Variants in IL21R observed in about 807,000 individuals in gnomAD.
IL21R encodes the protein interleukin 21 receptor.
A neutral mutation model predicts 41.3 loss-of-function variants in IL21R; 14 were observed. That is an observed-to-expected ratio of 0.34 (90% CI 0.22 to 0.53). The LOEUF is 0.53. IL21R is among the 20% of genes least tolerant of loss of function. IL21R has a pLI of 0.94. For missense variants in IL21R, 588 were observed against 681.6 expected (o/e 0.86, Z 1.53); for synonymous variants, 286 against 287.6 (o/e 0.99, Z 0.05).
chr16:27,448,390 G>C, intron 8 of IL21R, 144 bp from the exon 9 acceptor site: 1 of 823,306 alleles, frequency 1.2e-6, no homozygotes, highest in Non-Finnish European at 1.8e-6. Context: ...GGGAGGCAGA[G>C]GTTGCAGTGA....
chr16:27,443,068 G>C lies in IL21R; in HGVS notation c.459G>C (p.Lys153Asn). 1 of 1,614,006 alleles carries C rather than the reference G, an allele frequency of 6.2e-7. No homozygotes were observed. Among genetic ancestry groups the C allele is most frequent in the Non-Finnish European group, 8.5e-7 (1 of 1,179,928 alleles). ...EDPAFYMLKG[K>N]LQYELQYRNR... ...CTGCCTTCTACATGCTGAAGGGCAA[G>C]CTTCAGTATGAGCTGCAGTACAGGA... is the stretch of plus-strand genomic sequence containing the variant. The change falls in exon 5 of 9, where the codon AAG becomes AAC. Residue 153 changes from lysine (K) to asparagine (N), a missense_variant. Coordinates refer to ENST00000337929, the MANE Select transcript of IL21R (RefSeq NM_181078.3).
intron 1 of IL21R, among the ~76,000 whole-genome samples, chr16:27,406,670 C>T (rs1305787322): frequency 6.6e-6 from 1 of 151,944 alleles, no homozygotes; most frequent in Non-Finnish European, 1.5e-5. Context: ...CACCCATAAC[C>T]CACCCCTTGC....
chr16:27,432,040 C>A (rs564686659), intron 2 of IL21R, among the ~76,000 whole-genome samples: 1 of 152,248 alleles, frequency 6.6e-6, no homozygotes, highest in Non-Finnish European at 1.5e-5. Flanking sequence ...ATGTTGGGTT[C>A]GTCCAGCCCT....
At chr16:27,408,475 G>T (rs1301072893) in intron 1 of IL21R, among the ~76,000 whole-genome samples, 2 of 152,182 alleles carry the variant, frequency 1.3e-5, no homozygotes, top group Non-Finnish European at 2.9e-5. Flanking sequence ...ATAACAGAGA[G>T]CCATGGAATG....
chr16:27,425,828 T>C (rs1219928309), intron 1 of IL21R, among the ~76,000 whole-genome samples: 1 of 152,202 alleles, frequency 6.6e-6, no homozygotes, highest in African/African-American at 2.4e-5. Flanking sequence ...AGTGCTGGGA[T>C]TACAGGCATG....
In IL21R at chr16:27,448,900, C is replaced by G; in HGVS notation, c.1234C>G (p.Pro412Ala). The change falls in exon 9 of 9, where the codon CCA (proline) becomes GCA (alanine). Residue 412 changes from proline (P) to alanine (A), a missense_variant. By Grantham distance (27) the Pro-to-Ala change is conservative. Coordinates refer to ENST00000337929, the MANE Select transcript of IL21R (RefSeq NM_181078.3). ...LDLDAGLEPS[P>A]GLEDPLLDAG... is the part of the protein sequence containing the mutation. Reference sequence around the variant, plus strand: ...CCTGGATGCTGGCCTGGAGCCCAGCCCAGGCCTAGAGGACCCACTCTTGGA... The same window carrying G: ...CCTGGATGCTGGCCTGGAGCCCAGCGCAGGCCTAGAGGACCCACTCTTGGA... 1 of 1,611,916 alleles carries G rather than the reference C, an allele frequency of 6.2e-7. No homozygotes were observed. The highest frequency in any genetic ancestry group is 8.5e-7 in the Non-Finnish European group (1 of 1,179,166).
chr16:27,409,822 T>C (rs2086800198), intron 1 of IL21R, among the ~76,000 whole-genome samples: 1 of 152,248 alleles, frequency 6.6e-6, no homozygotes, highest in African/African-American at 2.4e-5. Flanking sequence ...TGTATTTCTA[T>C]ATAAATTTTA....
intron 3 of IL21R, among the ~76,000 whole-genome samples, chr16:27,437,202 C>T (rs1330001077): frequency 1.3e-5 from 2 of 152,054 alleles, no homozygotes; most frequent in Non-Finnish European, 2.9e-5. Flanking sequence ...CAAGAATGGC[C>T]CAAATTTCCA....
At chr16:27,410,181 C>G (rs1282963418) in intron 1 of IL21R, among the ~76,000 whole-genome samples, 3 of 151,984 alleles carry the variant, frequency 2.0e-5, no homozygotes, top group Non-Finnish European at 2.9e-5. Context: ...ACTAAAAATA[C>G]AAAAATTAGC....
intron 1 of IL21R, among the ~76,000 whole-genome samples, chr16:27,421,687 G>T (rs1339982204): frequency 3.3e-5 from 5 of 151,820 alleles, no homozygotes; most frequent in Non-Finnish European, 7.4e-5. Flanking sequence ...ATCATTATTT[G>T]TGTCTATTAA....
At chr16:27,427,377 G>C (rs1054654948) in intron 1 of IL21R, 11 of 952,600 alleles carry the variant, frequency 1.2e-5, no homozygotes, top group Non-Finnish European at 1.4e-5. Flanking sequence ...AAATTAGGAG[G>C]GATGAGGAGT....
chr16:27,430,150 G>C (rs759173963), intron 2 of IL21R, 30 bp downstream of exon 2: 1 of 1,593,168 alleles, frequency 6.3e-7, no homozygotes, highest in South Asian at 1.1e-5. Context: ...TCTGCGGGTG[G>C]GGAGGGCCCC....
rs1331149680 is a variant in IL21R, at chr16:27,406,692, A to T, written c.-17+4074A>T. On this transcript the variant is annotated intron_variant, in intron 1 of 8. Transcript: ENST00000337929. Reference sequence around the variant, plus strand: ...AACCCACCCCTTGCCACTGGCGAAAAAAAAAAAGATGAAAAGCAACTAACA... The same window carrying T: ...AACCCACCCCTTGCCACTGGCGAAATAAAAAAAGATGAAAAGCAACTAACA... Among the ~76,000 whole-genome samples the T allele has an allele frequency of 1.3e-5, 2 of 152,060 alleles. 1 individual carries two copies. The highest frequency in any genetic ancestry group is 2.9e-5 in the Non-Finnish European group (2 of 67,980).
chr16:27,451,030 T>G lies in IL21R; in HGVS notation c.*1747T>G, dbSNP rs1483816325. The stretch of plus-strand genomic sequence containing the variant: ...GAAGGTTCTAGAACACTGATGGTTA[T>G]AAGAGTGGGACTGTGAGCCTGGGAT... On this transcript the variant is annotated 3_prime_UTR_variant, in exon 9 of 9. Coordinates refer to ENST00000337929, the MANE Select transcript of IL21R (RefSeq NM_181078.3). 8.7e-6 allele frequency: 2 copies of G among 229,946 alleles called. No homozygotes were observed. The highest frequency in any genetic ancestry group is 1.1e-4 in the Admixed American group (2 of 17,638). The allele number at this position is 229,946 out of a possible 1,614,324, so 14.2% of individuals were successfully genotyped here. A position where few individuals can be genotyped will look rare whatever the true frequency, so the allele number is the denominator to read the frequency against.
intron 2 of IL21R, among the ~76,000 whole-genome samples, chr16:27,433,624 C>A (rs185724023): frequency 6.6e-6 from 1 of 152,094 alleles, no homozygotes; most frequent in African/African-American, 2.4e-5. Flanking sequence ...TAGAACACAG[C>A]GAAACAATTA....
intron 1 of IL21R, among the ~76,000 whole-genome samples, chr16:27,414,300 G>T (rs969074502): frequency 6.6e-6 from 1 of 151,808 alleles, no homozygotes; most frequent in Middle Eastern, 3.2e-3. Context: ...CTTATTAAAT[G>T]ATAATATAAA....
At chr16:27,417,595 T>G (rs2086910493) in intron 1 of IL21R, among the ~76,000 whole-genome samples, 1 of 152,196 alleles carries the variant, frequency 6.6e-6, no homozygotes, top group Non-Finnish European at 1.5e-5. Flanking sequence ...GTGAACGTCA[T>G]AGAGTGCACT....
At chr16:27,430,015 T>G (rs781051502) in intron 1 of IL21R, 41 bp from the exon 2 acceptor site, 1 of 1,577,358 alleles carries the variant, frequency 6.3e-7, no homozygotes, top group Admixed American at 1.7e-5. Context: ...GGGGGAGCCC[T>G]GAGCCCGCCT....
At chr16:27,413,653 T>C (rs1026921257) in intron 1 of IL21R, among the ~76,000 whole-genome samples, 9 of 151,898 alleles carry the variant, frequency 5.9e-5, no homozygotes, top group African/African-American at 2.2e-4. Flanking sequence ...AGATTTTCTA[T>C]TTTGTCATGA....
Sources: gnomAD v4.1 joint callset for allele counts (sites outside exome capture counted in the v4.1 genomes callset) on GRCh38, gnomAD v4.1.1 for gene constraint, MANE v1.5 for transcripts, NCBI Gene and HGNC (gene_info 2026-07-23, HGNC 2026-07-21) for gene names.